MACO1: variants seen among roughly 807,000 people sequenced by gnomAD.
MACO1 encodes the protein macoilin 1, also known as macoilin.
In MACO1, 14 loss-of-function variants were observed where a neutral mutation model predicts 78.7. The ratio of observed to expected loss-of-function variants is 0.18; its 90% confidence interval spans 0.12 to 0.28. The LOEUF is 0.28. Among genes scored for constraint, MACO1 ranks in the 10% least tolerant of loss-of-function variants. The pLI is 1.00. For synonymous variants in MACO1, 288 were observed against 291.6 expected (o/e 0.99, Z 0.12); for missense variants, 501 against 799.0 (o/e 0.63, Z 4.50).
intron 6 of MACO1, among the ~76,000 whole-genome samples, chr1:25,480,210 A>T (rs191920252): frequency 2.0e-4 from 30 of 152,340 alleles, no homozygotes; most frequent in Admixed American, 1.8e-3. Flanking sequence ...TAAATTTTTT[A>T]AAATTGCTGA....
At chr1:25,472,978 A>G (rs1225150633) in intron 6 of MACO1, among the ~76,000 whole-genome samples, 1 of 152,244 alleles carries the variant, frequency 6.6e-6, no homozygotes, top group Non-Finnish European at 1.5e-5. Flanking sequence ...TGTTGGCTAT[A>G]GCTGCTGCTG....
At chr1:25,461,996 T>C (rs986233148) in intron 6 of MACO1, among the ~76,000 whole-genome samples, 31 of 152,182 alleles carry the variant, frequency 2.0e-4, no homozygotes, top group African/African-American at 7.5e-4. Context: ...CTCCCACCCT[T>C]CCTTAGCCGT....
At position 25,485,917 on chromosome 1, in the gene MACO1, T is replaced by C; in HGVS notation, c.1496+122T>C. On this transcript the variant is annotated intron_variant, in intron 8 of 10. Coordinates refer to ENST00000374343, the MANE Select transcript of MACO1 (RefSeq NM_018202.6). This position sits in a 1 kb window ranked among gnomAD's most constrained non-coding sequence, Gnocchi z 4.3. ...GCAATCATGCACGGATGGATTGCTTTTAAGTACTGTTTTATTAACTGGTTT... is the reference window on the plus strand; with the variant it reads ...GCAATCATGCACGGATGGATTGCTTCTAAGTACTGTTTTATTAACTGGTTT... The C allele has an allele frequency of 1.9e-6, 2 of 1,070,168 alleles. No homozygotes were observed. Among genetic ancestry groups the C allele is most frequent in the Non-Finnish European group, 2.7e-6 (2 of 732,178 alleles). 66.3% of individuals were successfully genotyped at this position (1,070,168 alleles called of 1,614,324 possible). A position where few individuals can be genotyped will look rare whatever the true frequency, so the allele number is the denominator to read the frequency against.
At chr1:25,468,834 G>GT (rs1257752490) in intron 6 of MACO1, among the ~76,000 whole-genome samples, 1 of 152,078 alleles carries the variant, frequency 6.6e-6, no homozygotes, top group African/African-American at 2.4e-5. Context: ...ACTGAGGAGT[G>GT]TTTTTTGGTT....
Position 25,488,857 on chromosome 1 carries a change from G to A in MACO1, c.1497-316G>A, listed in dbSNP as rs553049288. On this transcript the variant is annotated intron_variant, in intron 8 of 10. Coordinates refer to ENST00000374343, the MANE Select transcript of MACO1 (RefSeq NM_018202.6). ...TTTTGAGATGGAGTCTCACTCGGAC[G>A]CCCAAGCTGGAGTGCAGTGGCACGA... Among the ~76,000 whole-genome samples, 205 of 151,914 alleles carry A rather than the reference G, an allele frequency of 1.3e-3. 1 individual carries two copies. In the Middle Eastern group the frequency reaches 0.017, roughly 13 times the overall value.
chr1:25,490,889 C>T (rs1194913963), intron 9 of MACO1, among the ~76,000 whole-genome samples: 1 of 151,998 alleles, frequency 6.6e-6, no homozygotes, highest in Non-Finnish European at 1.5e-5. Flanking sequence ...TCATTTTCTT[C>T]TTTGAATTTT....
rs1020044079 is a variant in MACO1 at position 25,491,600 on chromosome 1, C to T, written c.1792+16C>T. On this transcript the variant is annotated intron_variant, in intron 10 of 10. Transcript: ENST00000374343. ...ATTGCCCAAGGTAGGAGAACGTGGG[C>T]CCCTGGTGAGGTGGTGTGACTGATA... is the stretch of plus-strand genomic sequence containing the variant. The T allele has an allele frequency of 2.5e-6, 4 of 1,610,676 alleles. No individual in the cohort carries two copies. In the African/African-American group the frequency reaches 5.3e-5, roughly 22 times the overall value.
At chr1:25,459,690 T>C (rs931644324) in intron 6 of MACO1, among the ~76,000 whole-genome samples, 1 of 152,144 alleles carries the variant, frequency 6.6e-6, no homozygotes, top group African/African-American at 2.4e-5. Flanking sequence ...TTGCCCAGGC[T>C]GGTCTCAAAC....
chr1:25,437,206 C>T (rs1354289781), intron 1 of MACO1, among the ~76,000 whole-genome samples: 1 of 150,434 alleles, frequency 6.6e-6, no homozygotes, highest in Non-Finnish European at 1.5e-5. Context: ...GAGATCACAG[C>T]TCACTGTATC....
chr1:25,458,289 T>G, intron 5 of MACO1, 102 bp from the exon 6 acceptor site: 1 of 1,452,982 alleles, frequency 6.9e-7, no homozygotes, highest in Non-Finnish European at 9.1e-7. Context: ...AATGTGAATT[T>G]CTTAAGTGTA....
At chr1:25,470,800 G>A (rs917535485) in intron 6 of MACO1, among the ~76,000 whole-genome samples, 1 of 152,170 alleles carries the variant, frequency 6.6e-6, no homozygotes, top group Non-Finnish European at 1.5e-5. Flanking sequence ...GGCTGAGGCA[G>A]GTGGATCAGT....
At chr1:25,493,884 A>G (rs1015794063) in intron 10 of MACO1, among the ~76,000 whole-genome samples, 4 of 151,926 alleles carry the variant, frequency 2.6e-5, no homozygotes, top group African/African-American at 7.3e-5. Context: ...GGCGCCCGCC[A>G]CCACACCCGG....
Position 25,484,047 on chromosome 1 carries a change from CA to C in MACO1, c.1155-68del, listed in dbSNP as rs2043404570. Reference sequence around the variant, plus strand: ...CATTCACCCAGCAGTCCAGGACCCCCACCAGGTCCCTCCCAGCTCTGTGGGT... The same window carrying C: ...CATTCACCCAGCAGTCCAGGACCCCCCCAGGTCCCTCCCAGCTCTGTGGGT... On this transcript the variant is annotated intron_variant, in intron 6 of 10. Transcript: ENST00000374343. 2.0e-6 allele frequency: 3 copies of C among 1,504,964 alleles called. No individual in the cohort carries two copies. The Admixed American group carries it at 6.5e-5, about 33-fold the overall frequency. The allele number at this position is 1,504,964 out of a possible 1,614,324, so 93.2% of individuals were successfully genotyped here.
At chr1:25,437,043 T>G (rs1455650102) in intron 1 of MACO1, among the ~76,000 whole-genome samples, 1 of 152,234 alleles carries the variant, frequency 6.6e-6, no homozygotes, top group Non-Finnish European at 1.5e-5. Flanking sequence ...TTGAGCTGTT[T>G]AGGACCGATC....
chr1:25,455,435 A>C (rs2043110506), intron 4 of MACO1, among the ~76,000 whole-genome samples: 1 of 152,234 alleles, frequency 6.6e-6, no homozygotes. Flanking sequence ...TACTGTTTCC[A>C]GTATTTTTAG....
chr1:25,465,355 A>G (rs904747842), intron 6 of MACO1, among the ~76,000 whole-genome samples: 3 of 152,162 alleles, frequency 2.0e-5, no homozygotes, highest in African/African-American at 7.2e-5. Flanking sequence ...GAGTATGTTT[A>G]GTTATAAGAA....
At chr1:25,463,547 C>T (rs2043189731) in intron 6 of MACO1, among the ~76,000 whole-genome samples, 1 of 152,078 alleles carries the variant, frequency 6.6e-6, no homozygotes, top group Non-Finnish European at 1.5e-5. Context: ...GGTTTTGATT[C>T]CAACATGAGA....
At chr1:25,438,904 A>T (rs1343175226) in intron 1 of MACO1, among the ~76,000 whole-genome samples, 2 of 148,128 alleles carry the variant, frequency 1.4e-5, no homozygotes, top group African/African-American at 5.3e-5. Flanking sequence ...CTCAAGAAAA[A>T]TAAAATAAAA....
intron 10 of MACO1, among the ~76,000 whole-genome samples, chr1:25,495,218 C>G (rs2043524544): frequency 1.3e-5 from 2 of 152,292 alleles, no homozygotes; most frequent in East Asian, 1.9e-4. Flanking sequence ...CACCTGGCCT[C>G]AGAGTAGCCA....
Sources: allele counts gnomAD v4.1 joint callset (sites outside exome capture counted in the v4.1 genomes callset), GRCh38; gene constraint gnomAD v4.1.1; non-coding constraint Gnocchi (gnomAD v3.1); transcripts MANE v1.5; gene names NCBI Gene and HGNC (gene_info 2026-07-23, HGNC 2026-07-21).